NBAS: variants seen among roughly 807,000 people sequenced by gnomAD.
The protein encoded by NBAS is NBAS subunit of NRZ tethering complex.
Under a neutral mutation model 302.5 loss-of-function variants are expected in NBAS, and 219 were observed. The ratio of observed to expected loss-of-function variants is 0.72; its 90% CI spans 0.65 to 0.81. The LOEUF is 0.81. NBAS is among the 30% of genes least tolerant of loss of function. The probability of loss-of-function intolerance (pLI) is 0.00; values close to 1 mark genes in which losing one functional copy is unlikely to be tolerated. For missense variants in NBAS, 2,932 were observed against 2,841.6 expected, an observed-to-expected ratio of 1.03 and a Z score of -0.72; for synonymous variants, 1,118 against 1,021.6, an observed-to-expected ratio of 1.09 and a Z score of -1.80.
At chr2:15,075,763 A>ACACG in the NBAS span, among the ~76,000 whole-genome samples, 1 of 151,048 alleles carries the variant, frequency 6.6e-6, no homozygotes, top group African/African-American at 2.4e-5. Flanking sequence ...AAATTTATAC[A>ACACG]CACACACACA....
At chr2:15,268,503 T>G (rs1669175833) in intron 44 of NBAS, among the ~76,000 whole-genome samples, 2 of 152,174 alleles carry the variant, frequency 1.3e-5, no homozygotes, top group African/African-American at 4.8e-5. Flanking sequence ...CAATTTTACC[T>G]AATTTGTTTG....
At chr2:15,413,450 A>G (rs1210798205) in intron 25 of NBAS, among the ~76,000 whole-genome samples, 1 of 152,232 alleles carries the variant, frequency 6.6e-6, no homozygotes, top group African/African-American at 2.4e-5. Context: ...GAGTACAAAG[A>G]CAGAGAAGTC....
intron 21 of NBAS, among the ~76,000 whole-genome samples, chr2:15,452,362 G>A (rs1463781401): frequency 2.0e-5 from 3 of 152,128 alleles, no homozygotes; most frequent in Non-Finnish European, 4.4e-5. Flanking sequence ...TTGGGAGGCC[G>A]AGGCGGGTGG....
chr2:15,051,539 G>A, the NBAS span, among the ~76,000 whole-genome samples: 5 of 152,096 alleles, frequency 3.3e-5, no homozygotes, highest in African/African-American at 1.2e-4. Flanking sequence ...CTTTTATATG[G>A]ACATAATAAT....
At chr2:15,366,502 TA>T in intron 32 of NBAS, 77 bp downstream of exon 32, 1 of 1,339,088 alleles carries the variant, frequency 7.5e-7, no homozygotes, top group Non-Finnish European at 1.1e-6. Context: ...TGTAAGCACA[TA>T]TTCTGCTATT....
At chr2:15,248,917 T>C (rs1341515593) in intron 44 of NBAS, among the ~76,000 whole-genome samples, 1 of 151,908 alleles carries the variant, frequency 6.6e-6, no homozygotes, top group African/African-American at 2.4e-5. Context: ...TCTGAAACTA[T>C]CCAAACAATA....
Position 15,268,186 on chromosome 2 carries a change from T to C in NBAS, c.5724+7298A>G, listed in dbSNP as rs192720426. ...CTATGAGTCCCAAGATGTCAAGTAC[T>C]CTTCACTCTCCCATTTCTGAGGAGA... On this transcript the variant is annotated intron_variant, in intron 44 of 51. Transcript: ENST00000281513. 5.9e-5 allele frequency among the ~76,000 whole-genome samples: 9 copies of C among 152,356 alleles called. No homozygotes were observed. The East Asian group carries it at 1.7e-3, about 29-fold the overall frequency.
In NBAS at chr2:15,539,344, G is replaced by A. The variant is rs114603112; in HGVS notation, c.392C>T (p.Pro131Leu). The A allele has an allele frequency of 1.1e-4, 181 of 1,614,140 alleles. No homozygotes were observed. In the African/African-American group the frequency reaches 1.7e-3, roughly 15 times the overall value. Residue 131 changes from proline to leucine, a missense_variant, in exon 7 of 52, where the codon CCG (proline) becomes CTG (leucine). Physicochemically the swap from Pro to Leu is moderately conservative, Grantham distance 98. Coordinates refer to ENST00000281513, the MANE Select transcript of NBAS (RefSeq NM_015909.4). Reference protein sequence around the residue: ...IIGKCQVPKDPKPQWRRVAWS... With the variant: ...IIGKCQVPKDLKPQWRRVAWS... ...TGCTACCCGTCTCCACTGGGGTTTC[G>A]GGTCTTTCGGAACTAGAACAAAAGA... is the stretch of plus-strand genomic sequence containing the variant.
At chr2:15,029,518 C>T in the NBAS span, among the ~76,000 whole-genome samples, 1 of 152,172 alleles carries the variant, frequency 6.6e-6, no homozygotes, top group Non-Finnish European at 1.5e-5. Flanking sequence ...GTAATTTCAG[C>T]AAACTCTTGG....
the NBAS span, among the ~76,000 whole-genome samples, chr2:14,883,727 T>C: frequency 2.6e-5 from 4 of 152,054 alleles, no homozygotes; most frequent in Admixed American, 6.6e-5. Flanking sequence ...TCCTAGCACT[T>C]TGGGGGACCA....
intron 41 of NBAS, among the ~76,000 whole-genome samples, chr2:15,288,464 G>A (rs1402282785): frequency 6.6e-6 from 1 of 152,178 alleles, no homozygotes; most frequent in East Asian, 1.9e-4. Flanking sequence ...AGACATAAGA[G>A]AGAAAGCGAA....
Position 15,218,899 on chromosome 2 carries a change from C to G in NBAS, c.6306G>C (p.Pro2102=). The G allele has an allele frequency of 1.2e-6, 2 of 1,614,242 alleles. No individual in the cohort carries two copies. The highest frequency in any genetic ancestry group is 1.7e-6 in the Non-Finnish European group (2 of 1,180,038). The part of the protein sequence containing the change: ...LRPFCADDAW[P]VRPRIHVLQI... ...GCAGCACGTGAATGCGGGGCCGCAC[C>G]GGCCAGGCGTCATCAGCACAGAAAG... Residue 2102 remains proline, a synonymous_variant, in exon 48 of 52, where the codon CCG becomes CCC. Transcript: ENST00000281513.
chr2:14,863,448 G>C, the NBAS span, among the ~76,000 whole-genome samples: 2 of 152,156 alleles, frequency 1.3e-5, no homozygotes. Context: ...GGGAGATCAC[G>C]AGATCCATTG....
chr2:15,342,385 C>A (rs1672896249), intron 35 of NBAS, among the ~76,000 whole-genome samples: 1 of 152,064 alleles, frequency 6.6e-6, no homozygotes, highest in Admixed American at 6.5e-5. Context: ...TGTAAATGGT[C>A]TATATGGAAT....
the NBAS span, among the ~76,000 whole-genome samples, chr2:15,032,096 G>T: frequency 2.0e-5 from 3 of 152,196 alleles, no homozygotes; most frequent in African/African-American, 7.2e-5. Context: ...ATCCCCAGGG[G>T]TTAAACTAAT....
At chr2:14,814,893 A>C in the NBAS span, among the ~76,000 whole-genome samples, 1 of 152,094 alleles carries the variant, frequency 6.6e-6, no homozygotes, top group Non-Finnish European at 1.5e-5. Context: ...CAAATCATGG[A>C]AGTGGTTTCT....
chr2:15,191,532 T>C (rs894278853), intron 48 of NBAS, among the ~76,000 whole-genome samples: 1 of 152,160 alleles, frequency 6.6e-6, no homozygotes, highest in African/African-American at 2.4e-5. Context: ...TTTTTTGAAA[T>C]AATTTCACAA....
At chr2:14,847,474 A>G in the NBAS span, among the ~76,000 whole-genome samples, 1 of 151,512 alleles carries the variant, frequency 6.6e-6, no homozygotes. Context: ...AAAAAAGAAC[A>G]GAAGTGCCTA....
the NBAS span, among the ~76,000 whole-genome samples, chr2:15,156,304 T>C: frequency 6.6e-6 from 1 of 152,170 alleles, no homozygotes; most frequent in Admixed American, 6.6e-5. Context: ...AGCATTCCTA[T>C]AGGGCAGGGG....
Sources: allele counts gnomAD v4.1 joint callset (sites outside exome capture counted in the v4.1 genomes callset), GRCh38; gene constraint gnomAD v4.1.1; transcripts MANE v1.5; gene names NCBI Gene and HGNC (gene_info 2026-07-23, HGNC 2026-07-21).